ANKS1B: variants seen among roughly 807,000 people sequenced by gnomAD.
The protein encoded by ANKS1B is ankyrin repeat and sterile alpha motif domain-containing protein 1B.
In ANKS1B, 36 loss-of-function variants were observed where a neutral mutation model predicts 148.3. That is an observed-to-expected ratio of 0.24 (90% CI 0.19 to 0.32). ANKS1B has a LOEUF of 0.32. Among genes scored for constraint, ANKS1B ranks in the 10% least tolerant of loss-of-function variants. The probability of loss-of-function intolerance (pLI) is 1.00; values close to 1 mark genes in which losing one functional copy is unlikely to be tolerated. For synonymous variants in ANKS1B, 542 were observed against 560.8 expected, an observed-to-expected ratio of 0.97 and a Z score of 0.47; for missense variants, 1,157 against 1,542.6, an observed-to-expected ratio of 0.75 and a Z score of 4.19.
At chr12:99,057,963 G>A (rs111642949) in intron 16 of ANKS1B, among the ~76,000 whole-genome samples, 11 of 152,214 alleles carry the variant, frequency 7.2e-5, no homozygotes, top group East Asian at 3.9e-4. Context: ...CAGCAGACCC[G>A]TGAGTAAGAA....
At chr12:99,278,581 C>T (rs996596253) in intron 12 of ANKS1B, among the ~76,000 whole-genome samples, 1 of 152,100 alleles carries the variant, frequency 6.6e-6, no homozygotes, top group Non-Finnish European at 1.5e-5. Flanking sequence ...CTTACACATC[C>T]TTCAAGACCA....
intron 17 of ANKS1B, among the ~76,000 whole-genome samples, chr12:99,007,067 CAGTT>C (rs2153394026): frequency 6.6e-6 from 1 of 150,484 alleles, no homozygotes; most frequent in East Asian, 1.9e-4. Flanking sequence ...CATAAAAAAT[CAGTT>C]AGGAATTTTC....
intron 9 of ANKS1B, among the ~76,000 whole-genome samples, chr12:99,570,011 C>A (rs1267443050): frequency 1.3e-5 from 2 of 152,188 alleles, no homozygotes; most frequent in African/African-American, 4.8e-5. Context: ...CTTACCATCA[C>A]CAACCACTCC....
chr12:98,905,443 A>G (rs760711117), intron 17 of ANKS1B, among the ~76,000 whole-genome samples: 6 of 152,090 alleles, frequency 3.9e-5, no homozygotes, highest in Non-Finnish European at 7.4e-5. Context: ...GTTTCTGATG[A>G]GGGTAGGGCG....
chr12:98,913,362 C>A (rs2099789322), intron 17 of ANKS1B, among the ~76,000 whole-genome samples: 1 of 152,108 alleles, frequency 6.6e-6, no homozygotes, highest in African/African-American at 2.4e-5. Context: ...GGTTTTCCTC[C>A]TACTTCTCTG....
intron 25 of ANKS1B, among the ~76,000 whole-genome samples, chr12:98,752,277 A>G (rs1340817240): frequency 7.1e-6 from 1 of 141,830 alleles, no homozygotes; most frequent in Non-Finnish European, 1.5e-5. Context: ...TTTTTTTTTT[A>G]GATGGAGTCT....
intron 17 of ANKS1B, among the ~76,000 whole-genome samples, chr12:98,932,885 T>A (rs2099814942): frequency 6.6e-6 from 1 of 152,216 alleles, no homozygotes; most frequent in African/African-American, 2.4e-5. Context: ...TTATTTTATT[T>A]ACTGCCAATC....
At chr12:99,581,775 C>T (rs1367858933) in intron 9 of ANKS1B, among the ~76,000 whole-genome samples, 1 of 151,614 alleles carries the variant, frequency 6.6e-6, no homozygotes, top group African/African-American at 2.4e-5. Flanking sequence ...CCTGTAGTCC[C>T]AGCTACTCGG....
At chr12:99,241,075 CA>C (rs1189416456) in intron 14 of ANKS1B, among the ~76,000 whole-genome samples, 1 of 151,940 alleles carries the variant, frequency 6.6e-6, no homozygotes, top group Non-Finnish European at 1.5e-5. Flanking sequence ...GATAGAGACA[CA>C]AAAAATCCTT....
intron 17 of ANKS1B, among the ~76,000 whole-genome samples, chr12:98,927,811 G>A (rs2099810086): frequency 6.6e-6 from 1 of 151,010 alleles, no homozygotes; most frequent in African/African-American, 2.4e-5. Flanking sequence ...TAGTATACTA[G>A]AAAATTTATA....
At chr12:99,601,032 A>T (rs2097795755) in intron 9 of ANKS1B, among the ~76,000 whole-genome samples, 1 of 152,058 alleles carries the variant, frequency 6.6e-6, no homozygotes, top group Admixed American at 6.6e-5. Flanking sequence ...GTCATAATGC[A>T]TCTTCAATAT....
chr12:99,809,626 T>A (rs2068080634), intron 3 of ANKS1B, among the ~76,000 whole-genome samples: 1 of 152,080 alleles, frequency 6.6e-6, no homozygotes, highest in South Asian at 2.1e-4. Flanking sequence ...ACCTATCTTA[T>A]CTGTATAATG....
chr12:99,625,894 G>A (rs373517651), intron 9 of ANKS1B, among the ~76,000 whole-genome samples: 2 of 152,052 alleles, frequency 1.3e-5, no homozygotes, highest in African/African-American at 4.8e-5. Context: ...TGGTGGCTGA[G>A]GTATAATAGG....
intron 9 of ANKS1B, among the ~76,000 whole-genome samples, chr12:99,602,332 A>G (rs530986091): frequency 3.0e-4 from 45 of 152,094 alleles, no homozygotes; most frequent in Non-Finnish European, 7.4e-5. Context: ...GTTGTGTCTA[A>G]TTTGAGGAGG....
At chr12:98,841,516 C>G (rs1354449341) in intron 17 of ANKS1B, among the ~76,000 whole-genome samples, 1 of 152,148 alleles carries the variant, frequency 6.6e-6, no homozygotes, top group Non-Finnish European at 1.5e-5. Flanking sequence ...CTGTCAGCAG[C>G]TCTGATAAAA....
At chr12:99,149,950 A>G (rs1399001656) in intron 15 of ANKS1B, among the ~76,000 whole-genome samples, 2 of 152,108 alleles carry the variant, frequency 1.3e-5, no homozygotes, top group African/African-American at 4.8e-5. Flanking sequence ...AAACGTGTGT[A>G]TGTGTGATGT....
chr12:99,962,488 T>C (rs1603505290), intron 1 of ANKS1B, among the ~76,000 whole-genome samples: 1 of 152,214 alleles, frequency 6.6e-6, no homozygotes, highest in Non-Finnish European at 1.5e-5. Context: ...GACTTCGAGA[T>C]TGTAAATAGT....
At chr12:99,322,477 TAAA>T (rs757165561) in intron 12 of ANKS1B, among the ~76,000 whole-genome samples, 11 of 65,604 alleles carry the variant, frequency 1.7e-4, no homozygotes, top group Non-Finnish European at 1.4e-4. Flanking sequence ...GAACTTAAAG[TAAA>T]AAAAAAAAAA....
intron 9 of ANKS1B, among the ~76,000 whole-genome samples, chr12:99,516,472 A>G (rs993390484): frequency 4.6e-5 from 7 of 152,150 alleles, no homozygotes; most frequent in African/African-American, 9.6e-5. Context: ...CATTATCCTC[A>G]GCAAACTAAC....
Sources: gnomAD v4.1 joint callset for allele counts (sites outside exome capture counted in the v4.1 genomes callset) on GRCh38, gnomAD v4.1.1 for gene constraint, MANE v1.5 for transcripts, NCBI Gene and HGNC (gene_info 2026-07-23, HGNC 2026-07-21) for gene names.